The following SRPK2 variants were observed in gnomAD, a reference collection of about 807,000 sequenced individuals.
SRPK2 encodes the protein SFRS protein kinase 2.
Under a neutral mutation model 90.8 loss-of-function variants are expected in SRPK2, and 21 were observed. The observed-to-expected ratio is 0.23, with a 90% CI of 0.16 to 0.33. SRPK2 has a LOEUF of 0.33. SRPK2 is among the 10% of genes least tolerant of loss of function. The pLI is 1.00. For missense variants in SRPK2, 620 were observed against 869.0 expected (o/e 0.71, Z 3.60); for synonymous variants, 288 against 311.1 (o/e 0.93, Z 0.78).
intron 2 of SRPK2, among the ~76,000 whole-genome samples, chr7:105,303,358 A>G (rs1810793051): frequency 2.0e-5 from 3 of 152,116 alleles, no homozygotes; most frequent in South Asian, 4.1e-4. Context: ...GAAACACCTA[A>G]TGTAAATGAT....
chr7:105,369,132 TTA>T (rs1819422916), intron 2 of SRPK2, among the ~76,000 whole-genome samples: 1 of 45,842 alleles, frequency 2.2e-5, no homozygotes, highest in African/African-American at 5.5e-5. Context: ...TATTTTATTA[TTA>T]TTATTATTAT....
At chr7:105,395,992 C>T (rs1822310994) in intron 1 of SRPK2, among the ~76,000 whole-genome samples, 1 of 151,916 alleles carries the variant, frequency 6.6e-6, no homozygotes, top group African/African-American at 2.4e-5. Flanking sequence ...GTCGGCTCAC[C>T]GCAACCTCCG....
chr7:105,230,710 A>G (rs1799319747), intron 2 of SRPK2, among the ~76,000 whole-genome samples: 1 of 152,224 alleles, frequency 6.6e-6, no homozygotes, highest in African/African-American at 2.4e-5. Flanking sequence ...AACTGTTAAA[A>G]TAGCTGGGCA....
intron 2 of SRPK2, among the ~76,000 whole-genome samples, chr7:105,348,068 CT>C (rs770159031): frequency 0.034 from 2,749 of 80,876 alleles, 21 homozygotes; most frequent in African/African-American, 0.11. Flanking sequence ...GCTTGGCAAA[CT>C]TTTTTTTTTT....
Position 105,213,759 on chromosome 7 carries a change from T to C in SRPK2, c.72-9974A>G, listed in dbSNP as rs1797129085. ...AGCTAGGTGCAGAGTGAATAAAATG[T>C]CACAAAAAAGGAACTGTTTACTAAG... is the stretch of plus-strand genomic sequence containing the variant. On this transcript the variant is annotated intron_variant, in intron 2 of 15. Coordinates refer to ENST00000393651, the MANE Select transcript of SRPK2 (RefSeq NM_182692.3). Among the ~76,000 whole-genome samples, 3 of 152,156 alleles carry C rather than the reference T, an allele frequency of 2.0e-5. No individual in the cohort carries two copies. In the South Asian group the frequency reaches 6.2e-4, roughly 31 times the overall value.
intron 3 of SRPK2, among the ~76,000 whole-genome samples, chr7:105,176,538 T>C (rs969797378): frequency 6.6e-6 from 1 of 151,744 alleles, no homozygotes; most frequent in Non-Finnish European, 1.5e-5. Flanking sequence ...GCCACAGAGA[T>C]GTATGTGGTT....
At chr7:105,258,454 T>C (rs1470451133) in intron 2 of SRPK2, among the ~76,000 whole-genome samples, 1 of 148,106 alleles carries the variant, frequency 6.8e-6, no homozygotes, top group Non-Finnish European at 1.5e-5. Context: ...AAAAGCACAG[T>C]GTGGAGTGCA....
At chr7:105,260,413 G>A (rs1478364475) in intron 2 of SRPK2, among the ~76,000 whole-genome samples, 2 of 152,192 alleles carry the variant, frequency 1.3e-5, no homozygotes, top group Admixed American at 6.5e-5. Flanking sequence ...GGAGAAATAG[G>A]AAGGCTTTTA....
chr7:105,212,469 G>C (rs1411177209), intron 2 of SRPK2, among the ~76,000 whole-genome samples: 1 of 152,168 alleles, frequency 6.6e-6, no homozygotes, highest in Non-Finnish European at 1.5e-5. Flanking sequence ...GGAGGTCCAT[G>C]TCTCAGGGAA....
At chr7:105,186,272 G>C (rs1793566020) in intron 3 of SRPK2, among the ~76,000 whole-genome samples, 1 of 152,038 alleles carries the variant, frequency 6.6e-6, no homozygotes, top group Admixed American at 6.6e-5. Context: ...GTGGGGTTTG[G>C]GCTTCCGGTA....
intron 2 of SRPK2, among the ~76,000 whole-genome samples, chr7:105,314,894 G>A (rs1812148157): frequency 6.6e-6 from 1 of 152,204 alleles, no homozygotes; most frequent in African/African-American, 2.4e-5. Context: ...ATATGTAGGA[G>A]AACAGGAAAT....
intron 2 of SRPK2, among the ~76,000 whole-genome samples, chr7:105,226,770 G>A (rs1020483735): frequency 6.6e-6 from 1 of 151,694 alleles, no homozygotes; most frequent in African/African-American, 2.4e-5. Flanking sequence ...GGCCAAGGTG[G>A]GTGGATCACT....
intron 2 of SRPK2, among the ~76,000 whole-genome samples, chr7:105,373,404 CTT>C (rs60572082): frequency 1.1e-4 from 14 of 127,400 alleles, no homozygotes; most frequent in East Asian, 2.2e-4. Context: ...TTTTCTTTTC[CTT>C]TTTTTTTTTT....
At chr7:105,255,093 T>A (rs1803066772) in intron 2 of SRPK2, among the ~76,000 whole-genome samples, 1 of 133,498 alleles carries the variant, frequency 7.5e-6, no homozygotes, top group Non-Finnish European at 1.7e-5. Context: ...CTTATCATCA[T>A]TTTATCTGAA....
At chr7:105,238,044 C>T (rs1024691962) in intron 2 of SRPK2, among the ~76,000 whole-genome samples, 6 of 152,174 alleles carry the variant, frequency 3.9e-5, no homozygotes, top group Non-Finnish European at 8.8e-5. Flanking sequence ...GTCAAAATAA[C>T]TATTCCATAC....
Position 105,166,363 on chromosome 7 carries a change from C to T in SRPK2, c.514+1014G>A, listed in dbSNP as rs572943216. Among the ~76,000 whole-genome samples the T allele has an allele frequency of 1.2e-4, 18 of 152,222 alleles. No individual in the cohort carries two copies. In the South Asian group the frequency reaches 2.9e-3, roughly 25 times the overall value. ...TGTATTAAGAAGTCTCCAATACCAA[C>T]GATATCTGACGAGATATCAAGAACC... On this transcript the variant is annotated intron_variant, in intron 6 of 15. Transcript: ENST00000393651.
intron 2 of SRPK2, among the ~76,000 whole-genome samples, chr7:105,307,319 A>G (rs1054879659): frequency 6.6e-6 from 1 of 152,200 alleles, no homozygotes; most frequent in South Asian, 2.1e-4. Context: ...AAGAAGAAAA[A>G]TTCTATGACG....
intron 2 of SRPK2, among the ~76,000 whole-genome samples, chr7:105,280,661 G>T (rs1007793179): frequency 6.7e-6 from 1 of 149,870 alleles, no homozygotes; most frequent in Non-Finnish European, 1.5e-5. Context: ...AAAAAAGGGG[G>T]GGGGGGCCGG....
intron 11 of SRPK2, 23 bp downstream of exon 11, chr7:105,141,985 A>C (rs752232866): frequency 1.3e-6 from 2 of 1,585,478 alleles, no homozygotes. Context: ...GATGGCAGAC[A>C]GTTGATGGGA....
Sources: allele counts gnomAD v4.1 joint callset (sites outside exome capture counted in the v4.1 genomes callset), GRCh38; gene constraint gnomAD v4.1.1; transcripts MANE v1.5; gene names NCBI Gene and HGNC (gene_info 2026-07-23, HGNC 2026-07-21).